The following GGACT variants were observed in gnomAD, a reference collection of about 807,000 sequenced individuals.
The protein encoded by GGACT is gamma-glutamylamine cyclotransferase, also known as gamma-glutamylaminecyclotransferase.
For missense variants in GGACT, 241 were observed against 233.2 expected (o/e 1.03, Z -0.22); for synonymous variants, 118 against 115.3 (o/e 1.02, Z -0.15).
At chr13:100,586,221 A>G (rs1262376054) in intron 1 of GGACT, among the ~76,000 whole-genome samples, 1 of 152,174 alleles carries the variant, frequency 6.6e-6, no homozygotes, top group Non-Finnish European at 1.5e-5. Context: ...TTTAGGGGTG[A>G]AGTGTTATGT....
chr13:100,535,129 G>A (rs1290576146), intron 2 of GGACT, among the ~76,000 whole-genome samples: 1 of 152,224 alleles, frequency 6.6e-6, no homozygotes, highest in Non-Finnish European at 1.5e-5. Flanking sequence ...AGCCAGCCGG[G>A]CAGGGCCGTA....
At chr13:100,578,620 C>CGTCA (rs1875323162) in intron 2 of GGACT, among the ~76,000 whole-genome samples, 1 of 152,204 alleles carries the variant, frequency 6.6e-6, no homozygotes, top group Non-Finnish European at 1.5e-5. Flanking sequence ...ACTTAGACTT[C>CGTCA]GTCAATGTTC....
intron 2 of GGACT, among the ~76,000 whole-genome samples, chr13:100,555,387 A>C (rs1433683228): frequency 6.6e-6 from 1 of 152,128 alleles, no homozygotes; most frequent in Admixed American, 6.5e-5. Flanking sequence ...TTAGGTGGGC[A>C]TGGTGGTGCA....
At chr13:100,559,912 A>G (rs1472842861) in intron 2 of GGACT, among the ~76,000 whole-genome samples, 4 of 152,264 alleles carry the variant, frequency 2.6e-5, no homozygotes, top group Admixed American at 2.0e-4. Flanking sequence ...ATGTCCATCA[A>G]CTTGAGAATG....
chr13:100,553,830 C>T (rs1035028005), intron 2 of GGACT, among the ~76,000 whole-genome samples: 5 of 114,494 alleles, frequency 4.4e-5, no homozygotes, highest in Non-Finnish European at 3.3e-5. Context: ...GGTGACGAAG[C>T]GAGACTCCAT....
At chr13:100,540,800 C>T (rs1263094944) in intron 2 of GGACT, among the ~76,000 whole-genome samples, 1 of 152,224 alleles carries the variant, frequency 6.6e-6, no homozygotes, top group Non-Finnish European at 1.5e-5. Context: ...TAACACTGGC[C>T]AGATGCCTCT....
intron 2 of GGACT, among the ~76,000 whole-genome samples, chr13:100,559,780 A>G (rs1318004978): frequency 6.6e-6 from 1 of 152,234 alleles, no homozygotes; most frequent in African/African-American, 2.4e-5. Context: ...CAGGCATGAG[A>G]TACCACAGCC....
intron 2 of GGACT, 80 bp from the exon 3 acceptor site, chr13:100,532,681 A>G: frequency 8.5e-7 from 1 of 1,178,654 alleles, no homozygotes; most frequent in East Asian, 2.6e-5. Flanking sequence ...CCCGGCCCAC[A>G]GAGCCTCCAC....
intron 2 of GGACT, among the ~76,000 whole-genome samples, chr13:100,559,147 A>C (rs1203094816): frequency 6.6e-6 from 1 of 152,152 alleles, no homozygotes; most frequent in Non-Finnish European, 1.5e-5. Flanking sequence ...CATCCCAAAA[A>C]ACCACTGGAC....
chr13:100,552,913 G>T, intron 2 of GGACT, among the ~76,000 whole-genome samples: 1 of 152,084 alleles, frequency 6.6e-6, no homozygotes, highest in East Asian at 1.9e-4. Flanking sequence ...CAAGTGTCCT[G>T]CAGGAGAGGG....
intron 1 of GGACT, among the ~76,000 whole-genome samples, chr13:100,585,555 T>C (rs1476644879): frequency 2.6e-5 from 4 of 151,726 alleles, no homozygotes; most frequent in Admixed American, 6.6e-5. Flanking sequence ...ATCACTTGAG[T>C]TCAGGAGCTC....
At position 100,532,366 on chromosome 13, in the gene GGACT, G is replaced by T. The variant is rs1364410522; in HGVS notation, c.226C>A (p.Arg76Ser). Residue 76 changes from arginine to serine, a missense_variant, in exon 3 of 3, where the codon CGC becomes AGC. Transcript: ENST00000683975. ...EVYAVDERML[R>S]FLDDFESCPA... ...CAACTCTCGAAGTCATCCAGAAAGC[G>T]CAGCATCCGCTCGTCTACCGCGTAG... 1 of 1,550,596 alleles carries T rather than the reference G, an allele frequency of 6.4e-7. No individual in the cohort carries two copies. Among genetic ancestry groups the T allele is most frequent in the Non-Finnish European group, 8.7e-7 (1 of 1,146,640 alleles).
chr13:100,546,936 C>A (rs1311231514), intron 2 of GGACT, among the ~76,000 whole-genome samples: 1 of 152,326 alleles, frequency 6.6e-6, no homozygotes, highest in African/African-American at 2.4e-5. Context: ...CTGGCACGGC[C>A]CGGCGCATGC....
At chr13:100,574,905 A>G (rs1183472673) in intron 2 of GGACT, among the ~76,000 whole-genome samples, 1 of 152,008 alleles carries the variant, frequency 6.6e-6, no homozygotes, top group Non-Finnish European at 1.5e-5. Flanking sequence ...AAATCTATCC[A>G]ATTTAACACT....
intron 2 of GGACT, among the ~76,000 whole-genome samples, chr13:100,568,322 A>AT (rs1274002849): frequency 1.3e-5 from 2 of 152,370 alleles, no homozygotes; most frequent in East Asian, 3.9e-4. Flanking sequence ...ATTGATTTAC[A>AT]TTCAGCATAG....
At chr13:100,578,317 A>C (rs1342856088) in intron 2 of GGACT, among the ~76,000 whole-genome samples, 2 of 152,268 alleles carry the variant, frequency 1.3e-5, no homozygotes, top group East Asian at 3.8e-4. Flanking sequence ...TAATGAAAAC[A>C]TCCACTTATG....
intron 1 of GGACT, among the ~76,000 whole-genome samples, chr13:100,587,893 G>A (rs1426677347): frequency 1.3e-5 from 2 of 152,182 alleles, no homozygotes; most frequent in African/African-American, 4.8e-5. Context: ...GGGCGTGATA[G>A]CAGGCGCCTG....
At position 100,567,073 on chromosome 13, in the gene GGACT, G is replaced by A. The variant is rs149555186; in HGVS notation, c.-11+16752C>T. ...GTATATCTTGAGCAGGAATCTTTCC[G>A]AAATGATGCTATGTTCTTCTCACTG... On this transcript the variant is annotated intron_variant, in intron 2 of 2. Coordinates refer to ENST00000683975, the MANE Select transcript of GGACT (RefSeq NM_001195087.2). 6.0e-3 allele frequency among the ~76,000 whole-genome samples: 919 copies of A among 152,262 alleles called. 8 individuals carry two copies. Among genetic ancestry groups the A allele is most frequent in the African/African-American group, 0.021 (867 of 41,560 alleles).
intron 2 of GGACT, among the ~76,000 whole-genome samples, chr13:100,532,991 C>T (rs940476623): frequency 3.9e-5 from 6 of 152,160 alleles, no homozygotes; most frequent in Non-Finnish European, 5.9e-5. Flanking sequence ...GCAGGAGGAC[C>T]GTGCCCTCAG....
Sources: allele counts gnomAD v4.1 joint callset (sites outside exome capture counted in the v4.1 genomes callset), GRCh38; gene constraint gnomAD v4.1.1; transcripts MANE v1.5; gene names NCBI Gene and HGNC (gene_info 2026-07-23, HGNC 2026-07-21).